CDCA7: variants seen among roughly 807,000 people sequenced by gnomAD.
CDCA7 encodes the protein cell division cycle associated 7, also known as cell division cycle-associated protein 7.
CDCA7 carries 28 observed loss-of-function variants against 54.0 expected under a neutral mutation model. The observed-to-expected ratio is 0.52, with a 90% CI of 0.38 to 0.71. The LOEUF (loss-of-function observed/expected upper bound fraction) is 0.71, where lower values mean the gene tolerates loss of function less well. Among genes scored for constraint, CDCA7 ranks in the 30% least tolerant of loss-of-function variants. The pLI is 0.00. For missense variants in CDCA7, 484 were observed against 586.0 expected, an observed-to-expected ratio of 0.83 and a Z score of 1.80; for synonymous variants, 180 against 208.2, an observed-to-expected ratio of 0.86 and a Z score of 1.16.
At position 173,354,910 on chromosome 2, in the gene CDCA7, G is replaced by C; in HGVS notation, c.-54G>C. 1 of 1,435,282 alleles carries C rather than the reference G, an allele frequency of 7.0e-7. No homozygotes were observed. Among genetic ancestry groups the C allele is most frequent in the Non-Finnish European group, 9.1e-7 (1 of 1,095,660 alleles). The allele number at this position is 1,435,282 out of a possible 1,614,324, so 88.9% of individuals were successfully genotyped here. A position where few individuals can be genotyped will look rare whatever the true frequency, so the allele number is the denominator to read the frequency against. On this transcript the variant is annotated 5_prime_UTR_variant, in exon 1 of 10. Coordinates refer to ENST00000306721, the MANE Select transcript of CDCA7 (RefSeq NM_031942.5). ...CTCCTGCTGTGGGACCGCTGACCGC[G>C]CGGCTGCTCCGCTCTCCCCGCTCCA...
At chr2:173,361,711 C>G (rs979820682) in intron 3 of CDCA7, among the ~76,000 whole-genome samples, 4 of 152,150 alleles carry the variant, frequency 2.6e-5, no homozygotes, top group African/African-American at 9.7e-5. Flanking sequence ...CTCAGCCTCC[C>G]AAAGAGCTGG....
rs1481583421 is a variant in CDCA7 at position 173,359,347 on chromosome 2, T to A, written c.240T>A (p.Ser80Arg). The change falls in exon 3 of 10, where the codon AGT becomes AGA. Residue 80 changes from serine (S) to arginine (R), a missense_variant. Coordinates refer to ENST00000306721, the MANE Select transcript of CDCA7 (RefSeq NM_031942.5). ...AATCTTTCTGCGGCTTTTCAGAAAG[T>A]GAGGTGCAAGATGTATTAGACCATT... ...DNESFCGFSE[S>R]EVQDVLDHCG... 3.7e-6 allele frequency: 6 copies of A among 1,614,202 alleles called. No homozygotes were observed. The highest frequency in any genetic ancestry group is 2.2e-5 in the East Asian group (1 of 44,882).
intron 1 of CDCA7, among the ~76,000 whole-genome samples, chr2:173,358,296 G>C (rs533874448): frequency 1.1e-4 from 16 of 152,142 alleles, no homozygotes; most frequent in Non-Finnish European, 1.5e-4. Context: ...GGGAGGCTCC[G>C]GTGGGAGGAT....
chr2:173,359,646 G>A (rs974462923), intron 3 of CDCA7, among the ~76,000 whole-genome samples, 155 bp downstream of exon 3: 2 of 152,134 alleles, frequency 1.3e-5, no homozygotes, highest in Non-Finnish European at 2.9e-5. Flanking sequence ...ATGTCTTAAA[G>A]CAGTGTTTAC....
intron 3 of CDCA7, among the ~76,000 whole-genome samples, chr2:173,362,393 A>T (rs1686637608): frequency 6.6e-6 from 1 of 152,176 alleles, no homozygotes; most frequent in Non-Finnish European, 1.5e-5. Context: ...GATGGTGGTG[A>T]TGGCTGCACA....
At position 173,366,176 on chromosome 2, in the gene CDCA7, C is replaced by T; in HGVS notation, c.1036-107C>T. ...ACATGTGTATGTAGAGATTCATAGA[C>T]AAAATGTAAGCCTATACTACGAAGA... On this transcript the variant is annotated intron_variant, in intron 7 of 9. Coordinates refer to ENST00000306721, the MANE Select transcript of CDCA7 (RefSeq NM_031942.5). The surrounding 1 kb of genome is among the most constrained non-coding windows in gnomAD (Gnocchi z 4.5). 7.6e-7 allele frequency: 1 copy of T among 1,324,088 alleles called. No individual in the cohort carries two copies. Among genetic ancestry groups the T allele is most frequent in the Admixed American group, 2.4e-5 (1 of 42,160 alleles). 82.0% of individuals were successfully genotyped at this position (1,324,088 alleles called of 1,614,324 possible).
At chr2:173,356,759 C>T (rs1177242511) in intron 1 of CDCA7, among the ~76,000 whole-genome samples, 1 of 152,224 alleles carries the variant, frequency 6.6e-6, no homozygotes, top group Non-Finnish European at 1.5e-5. Context: ...CCCACCTTGG[C>T]TTCCCAAAGC....
At chr2:173,363,113 A>C in intron 3 of CDCA7, 113 bp from the exon 4 acceptor site, 1 of 989,978 alleles carries the variant, frequency 1.0e-6, no homozygotes, top group South Asian at 1.5e-5. Flanking sequence ...AGAGGTATCA[A>C]TGTTCAGTTA....
intron 1 of CDCA7, 73 bp from the exon 2 acceptor site, chr2:173,358,639 C>T: frequency 6.5e-7 from 1 of 1,527,500 alleles, no homozygotes; most frequent in East Asian, 2.3e-5. Context: ...ACCTACTAAA[C>T]TAAAAAAAAA....
At chr2:173,359,021 T>C (rs1240732846) in intron 2 of CDCA7, among the ~76,000 whole-genome samples, 184 bp downstream of exon 2, 1 of 152,206 alleles carries the variant, frequency 6.6e-6, no homozygotes. Flanking sequence ...TTGTTGGAGG[T>C]AGATTAGCTA....
In CDCA7 at chr2:173,367,903, C is replaced by A; in HGVS notation, c.*239C>A. The A allele has an allele frequency of 1.8e-6, 1 of 557,686 alleles. No individual in the cohort carries two copies. Among genetic ancestry groups the A allele is most frequent in the Non-Finnish European group, 3.2e-6 (1 of 314,632 alleles). The allele number at this position is 557,686 out of a possible 1,614,324, so 34.5% of individuals were successfully genotyped here. ...CCCAACCCCCATCTCACAGCATCCCCCTCTATTTCCAATGCTCCTCTCCAA... is the reference window on the plus strand; with the variant it reads ...CCCAACCCCCATCTCACAGCATCCCACTCTATTTCCAATGCTCCTCTCCAA... On this transcript the variant is annotated 3_prime_UTR_variant, in exon 10 of 10. Coordinates refer to ENST00000306721, the MANE Select transcript of CDCA7 (RefSeq NM_031942.5).
intron 5 of CDCA7, chr2:173,364,357 G>T (rs1045436325): frequency 9.7e-5 from 16 of 164,512 alleles, no homozygotes; most frequent in Non-Finnish European, 1.2e-4. Flanking sequence ...AGGGAGATTT[G>T]GTGTGTCTGC....
intron 6 of CDCA7, 56 bp from the exon 7 acceptor site, chr2:173,365,396 A>G: frequency 3.2e-6 from 5 of 1,543,034 alleles, no homozygotes; most frequent in Non-Finnish European, 4.4e-6. Flanking sequence ...TCAGTTTTGA[A>G]TCTCTTTCAG....
intron 1 of CDCA7, among the ~76,000 whole-genome samples, chr2:173,358,117 G>T (rs1006910848): frequency 6.7e-6 from 1 of 149,900 alleles, no homozygotes; most frequent in Admixed American, 6.7e-5. Context: ...GGAGAATGGC[G>T]TGAATCCATG....
At position 173,364,571 on chromosome 2, in the gene CDCA7, T is replaced by C. The variant is rs181140867; in HGVS notation, c.700-224T>C. On this transcript the variant is annotated intron_variant, in intron 5 of 9. Transcript: ENST00000306721. Reference sequence around the variant, plus strand: ...ATTAAGTAAAAGAATAAATAGCTCATCTCTCAAGTTGAAAGAAACTGGGCT... The same window carrying C: ...ATTAAGTAAAAGAATAAATAGCTCACCTCTCAAGTTGAAAGAAACTGGGCT... The C allele has an allele frequency of 3.7e-5, 16 of 432,128 alleles. No individual in the cohort carries two copies. The East Asian group carries it at 7.2e-4, about 19-fold the overall frequency. The allele number at this position is 432,128 out of a possible 1,614,324, so 26.8% of individuals were successfully genotyped here.
intron 3 of CDCA7, among the ~76,000 whole-genome samples, chr2:173,361,387 C>T (rs1390209640): frequency 6.6e-6 from 1 of 151,924 alleles, no homozygotes; most frequent in Non-Finnish European, 1.5e-5. Flanking sequence ...ACATTCCTAC[C>T]AGCAGTGTGT....
At position 173,364,948 on chromosome 2, in the gene CDCA7, A is replaced by C. The variant is rs1307515379; in HGVS notation, c.853A>C (p.Met285Leu). The C allele has an allele frequency of 5.6e-6, 9 of 1,598,396 alleles. No homozygotes were observed. The highest frequency in any genetic ancestry group is 6.8e-6 in the Non-Finnish European group (8 of 1,174,770). Residue 285 changes from methionine (M) to leucine (L), a missense_variant, in exon 6 of 10, where the codon ATG becomes CTG. Coordinates refer to ENST00000306721, the MANE Select transcript of CDCA7 (RefSeq NM_031942.5). ...MEEEEEEDKY[M>L]LVRKRKTVDG... ...GGAGGAGGAGGAAGAGGATAAGTAC[A>C]TGTTGGTGAGAAAGAGGAAGACCGT...
At chr2:173,355,384 A>G (rs1686477894) in intron 1 of CDCA7, among the ~76,000 whole-genome samples, 1 of 151,976 alleles carries the variant, frequency 6.6e-6, no homozygotes, top group Admixed American at 6.5e-5. Context: ...TTTCCCGCAC[A>G]CAACTCGGAG....
intron 3 of CDCA7, among the ~76,000 whole-genome samples, chr2:173,360,806 CTT>C (rs2106389392): frequency 6.6e-6 from 1 of 152,108 alleles, no homozygotes; most frequent in East Asian, 1.9e-4. Flanking sequence ...AAAACTGAGT[CTT>C]TATGGGTGAA....
Sources: gnomAD v4.1 joint callset for allele counts (sites outside exome capture counted in the v4.1 genomes callset) on GRCh38, gnomAD v4.1.1 for gene constraint, Gnocchi (gnomAD v3.1) non-coding constraint, MANE v1.5 for transcripts, NCBI Gene and HGNC (gene_info 2026-07-23, HGNC 2026-07-21) for gene names.